The following FNDC8 variants were observed in gnomAD, a reference collection of about 807,000 sequenced individuals.
The protein encoded by FNDC8 is fibronectin type III domain-containing protein 8.
In FNDC8, 23 loss-of-function variants were observed where a neutral mutation model predicts 24.8. The observed-to-expected ratio is 0.93, with a 90% CI of 0.67 to 1.31. The LOEUF (loss-of-function observed/expected upper bound fraction) is 1.31, where lower values mean the gene tolerates loss of function less well. Among genes scored for constraint, FNDC8 ranks in the 40% most tolerant of loss-of-function variants. FNDC8 has a pLI of 0.00. For missense variants in FNDC8, 371 were observed against 398.2 expected (o/e 0.93, Z 0.58); for synonymous variants, 158 against 165.3 (o/e 0.96, Z 0.34).
Position 35,127,177 on chromosome 17 carries a change from G to A in FNDC8, c.345G>A (p.Glu115=). The change falls in exon 2 of 4, where the codon GAG becomes GAA. Residue 115 remains glutamate (E), a synonymous_variant. Coordinates refer to ENST00000158009, the MANE Select transcript of FNDC8 (RefSeq NM_017559.4). ...PNSSFFAGML[E]GELNKLSFSP... is the part of the protein sequence containing the mutation. ...GCAGCTTCTTTGCAGGGATGCTGGA[G>A]GGGGAGCTGAACAAACTCAGCTTCT... 1 of 1,614,190 alleles carries A rather than the reference G, an allele frequency of 6.2e-7. No individual in the cohort carries two copies. The highest frequency in any genetic ancestry group is 1.1e-5 in the South Asian group (1 of 91,076).
At position 35,128,167 on chromosome 17, in the gene FNDC8, A is replaced by G. The variant is rs535065736; in HGVS notation, c.585+750A>G. Among the ~76,000 whole-genome samples the G allele has an allele frequency of 2.6e-5, 4 of 152,350 alleles. No individual in the cohort carries two copies. The East Asian group carries it at 7.7e-4, about 29-fold the overall frequency. ...AGATGATGAAAGCAATTCGAGCTGTATCTTGGGAGGATGCCTGGAATTCCA... is the reference window on the plus strand; with the variant it reads ...AGATGATGAAAGCAATTCGAGCTGTGTCTTGGGAGGATGCCTGGAATTCCA... On this transcript the variant is annotated intron_variant, in intron 2 of 3. Coordinates refer to ENST00000158009, the MANE Select transcript of FNDC8 (RefSeq NM_017559.4).
chr17:35,129,829 A>T, intron 3 of FNDC8, 171 bp downstream of exon 3: 1 of 1,433,100 alleles, frequency 7.0e-7, no homozygotes, highest in Non-Finnish European at 9.1e-7. Flanking sequence ...GGGAGGTTTA[A>T]GGATTAAGCC....
At chr17:35,128,514 A>T (rs2091858095) in intron 2 of FNDC8, among the ~76,000 whole-genome samples, 1 of 152,230 alleles carries the variant, frequency 6.6e-6, no homozygotes, top group Admixed American at 6.5e-5. Flanking sequence ...TACAAAGTGT[A>T]TGGGCTCTGG....
At chr17:35,123,676 C>T (rs2128242) in intron 1 of FNDC8, among the ~76,000 whole-genome samples, 114,961 of 151,856 alleles carry the variant, frequency 0.76, 44,105 homozygotes, top group East Asian at 0.91. Flanking sequence ...AGGTGGAGGT[C>T]GCAGTGAGCC....
chr17:35,129,335 G>T, intron 2 of FNDC8, 87 bp from the exon 3 acceptor site: 2 of 1,530,166 alleles, frequency 1.3e-6, no homozygotes, highest in Non-Finnish European at 1.8e-6. Context: ...GGATGGGCAT[G>T]GGACGTCCTG....
In FNDC8 at chr17:35,127,102, C is replaced by T. The variant is rs756797079; in HGVS notation, c.270C>T (p.Phe90=). Residue 90 remains phenylalanine (F), a synonymous_variant, in exon 2 of 4, where the codon TTC becomes TTT. Transcript: ENST00000158009. ...CTGATGAGACCAGCATCTCTGCCTT[C>T]TCATCCACCTTGCTGAACCCCATCA... ...CSSDETSISA[F]SSTLLNPIKL... is the part of the protein sequence containing the mutation. The T allele has an allele frequency of 5.0e-6, 8 of 1,613,936 alleles. No homozygotes were observed. In the Admixed American group the frequency reaches 1.3e-4, roughly 27 times the overall value.
intron 1 of FNDC8, among the ~76,000 whole-genome samples, chr17:35,122,928 G>C (rs2091835580): frequency 1.3e-5 from 2 of 152,200 alleles, no homozygotes; most frequent in African/African-American, 4.8e-5. Flanking sequence ...TGCCAGGACA[G>C]GATGCCTTGA....
rs80234469 is a variant in FNDC8 at position 35,123,090 on chromosome 17, T to C, written c.209+1188T>C. Among the ~76,000 whole-genome samples, 942 of 152,286 alleles carry C rather than the reference T, an allele frequency of 6.2e-3. 25 individuals are homozygous for C. The East Asian group carries it at 0.075, about 12-fold the overall frequency. On this transcript the variant is annotated intron_variant, in intron 1 of 3. Coordinates refer to ENST00000158009, the MANE Select transcript of FNDC8 (RefSeq NM_017559.4). ...GGGTGATGTGGGCTGAGGGAATTAC[T>C]TGCAGGTCACCCACCACATGGGTGA...
rs998286 is a variant in FNDC8 at position 35,128,001 on chromosome 17, T to C, written c.585+584T>C. Among the ~76,000 whole-genome samples, 867 of 152,152 alleles carry C rather than the reference T, an allele frequency of 5.7e-3. 32 individuals carry two copies. In the East Asian group the frequency reaches 0.098, roughly 17 times the overall value. On this transcript the variant is annotated intron_variant, in intron 2 of 3. Transcript: ENST00000158009. Reference sequence around the variant, plus strand: ...GCGGGCTACACGTCGAACAACACCGTCCTACACTATGGGAAGTGAAGACAG... The same window carrying C: ...GCGGGCTACACGTCGAACAACACCGCCCTACACTATGGGAAGTGAAGACAG...
intron 1 of FNDC8, among the ~76,000 whole-genome samples, chr17:35,123,335 G>T (rs1255558462): frequency 2.6e-5 from 4 of 152,164 alleles, no homozygotes; most frequent in African/African-American, 4.8e-5. Context: ...TATGGCTAAA[G>T]TGATGGATGC....
At chr17:35,125,650 A>G (rs1368716725) in intron 1 of FNDC8, among the ~76,000 whole-genome samples, 1 of 152,216 alleles carries the variant, frequency 6.6e-6, no homozygotes, top group East Asian at 1.9e-4. Context: ...GAAACCTATA[A>G]AGACACACAT....
chr17:35,126,956 T>G (rs1468117350), intron 1 of FNDC8, 86 bp from the exon 2 acceptor site: 1 of 1,490,158 alleles, frequency 6.7e-7, no homozygotes, highest in Non-Finnish European at 9.0e-7. Context: ...GGGATGCTGG[T>G]AAGTCAGGCC....
At chr17:35,130,132 T>C in intron 3 of FNDC8, 150 bp from the exon 4 acceptor site, 1 of 1,445,606 alleles carries the variant, frequency 6.9e-7, no homozygotes, top group Non-Finnish European at 9.1e-7. Context: ...CATGCATCTT[T>C]GCACCTGTTT....
At chr17:35,123,559 G>A (rs2091838296) in intron 1 of FNDC8, among the ~76,000 whole-genome samples, 1 of 152,082 alleles carries the variant, frequency 6.6e-6, no homozygotes, top group Non-Finnish European at 1.5e-5. Context: ...CCAACATGGT[G>A]AAACCTCGTC....
At chr17:35,123,217 G>A (rs28633099) in intron 1 of FNDC8, among the ~76,000 whole-genome samples, 13,911 of 152,102 alleles carry the variant, frequency 0.091, 870 homozygotes, top group African/African-American at 0.18. Context: ...TTGAATAAGG[G>A]GCTCAGGGTA....
At chr17:35,124,087 C>G (rs1007048812) in intron 1 of FNDC8, among the ~76,000 whole-genome samples, 3 of 152,172 alleles carry the variant, frequency 2.0e-5, no homozygotes, top group Non-Finnish European at 4.4e-5. Context: ...CAGGAGGAGG[C>G]TGATGAGGCT....
At chr17:35,122,800 G>A (rs537101664) in intron 1 of FNDC8, among the ~76,000 whole-genome samples, 81 of 152,320 alleles carry the variant, frequency 5.3e-4, no homozygotes, top group African/African-American at 1.8e-3. Context: ...TTCTGGGAAC[G>A]CAGAGCTGGA....
intron 3 of FNDC8, 142 bp downstream of exon 3, chr17:35,129,800 T>C: frequency 6.9e-7 from 1 of 1,447,774 alleles, no homozygotes. Flanking sequence ...GAAGCATCAA[T>C]TCCAGAATGC....
intron 2 of FNDC8, among the ~76,000 whole-genome samples, chr17:35,127,697 T>C (rs1411384365): frequency 6.6e-6 from 1 of 152,120 alleles, no homozygotes; most frequent in East Asian, 1.9e-4. Flanking sequence ...AGCTGGGATG[T>C]AGAGGTAGCA....
Sources: gnomAD v4.1 joint callset for allele counts (sites outside exome capture counted in the v4.1 genomes callset) on GRCh38, gnomAD v4.1.1 for gene constraint, MANE v1.5 for transcripts, NCBI Gene and HGNC (gene_info 2026-07-23, HGNC 2026-07-21) for gene names.